The following SLC35A5 variants were observed in gnomAD, a reference collection of about 807,000 sequenced individuals.
The protein encoded by SLC35A5 is UDP-sugar transporter protein SLC35A5.
In SLC35A5, 28 loss-of-function variants were observed where a neutral mutation model predicts 36.3. That is an observed-to-expected ratio of 0.77 (90% confidence interval 0.57 to 1.06). The LOEUF is 1.06. SLC35A5 is among the 50% of genes least tolerant of loss of function. SLC35A5 has a pLI of 0.00. For missense variants in SLC35A5, 521 were observed against 499.3 expected, an observed-to-expected ratio of 1.04 and a Z score of -0.41; for synonymous variants, 180 against 173.7, an observed-to-expected ratio of 1.04 and a Z score of -0.29.
Position 112,580,618 on chromosome 3 carries a change from G to C in SLC35A5, c.501G>C (p.Gly167=). ...TGTCTATTGTGGCCTTGACTGCCGG[G>C]ACTAAAACTTTACAGCACAACTTGG... The part of the protein sequence containing the change: ...LFLSIVALTA[G]TKTLQHNLAG... The change falls in exon 6 of 7, where the codon GGG becomes GGC. Residue 167 remains glycine (G), a synonymous_variant. Transcript: ENST00000492406. 1 of 1,614,100 alleles carries C rather than the reference G, an allele frequency of 6.2e-7. No homozygotes were observed. Among genetic ancestry groups the C allele is most frequent in the Non-Finnish European group, 8.5e-7 (1 of 1,179,988 alleles).
At chr3:112,581,864 T>C (rs1934947372) in intron 6 of SLC35A5, among the ~76,000 whole-genome samples, 1 of 152,200 alleles carries the variant, frequency 6.6e-6, no homozygotes, top group Admixed American at 6.5e-5. Flanking sequence ...GTTTGTTTAT[T>C]TCACTAGAAA....
chr3:112,581,808 A>G (rs959968431), intron 6 of SLC35A5, among the ~76,000 whole-genome samples: 1 of 152,218 alleles, frequency 6.6e-6, no homozygotes, highest in Admixed American at 6.5e-5. Context: ...CTGGCTCCTC[A>G]GTCCTCCCTG....
chr3:112,563,372 TTTTCTC>T lies in SLC35A5; in HGVS notation c.-19-9_-19-4del, dbSNP rs757073892. ...CCAACAAGGTCGTTCATGAAAGTGT[TTTTCTC>T]TTTAAGGTAATTAAAAAACAGTGGA... On this transcript the variant is annotated splice_polypyrimidine_tract_variant and splice_region_variant and intron_variant, in intron 1 of 6. Coordinates refer to ENST00000492406, the MANE Select transcript of SLC35A5 (RefSeq NM_017945.5). 2.3e-5 allele frequency: 33 copies of T among 1,448,698 alleles called. No homozygotes were observed. The highest frequency in any genetic ancestry group is 2.4e-5 in the Non-Finnish European group (26 of 1,080,740). 89.7% of individuals were successfully genotyped at this position (1,448,698 alleles called of 1,614,324 possible).
At chr3:112,563,289 A>AT (rs757629625) in intron 1 of SLC35A5, 96 bp from the exon 2 acceptor site, 38 of 1,215,506 alleles carry the variant, frequency 3.1e-5, no homozygotes, top group Non-Finnish European at 3.9e-5. Context: ...CATAGCCAAA[A>AT]TTTTTTAAAA....
chr3:112,582,876 A>C lies in SLC35A5; in HGVS notation c.*140A>C. On this transcript the variant is annotated 3_prime_UTR_variant, in exon 7 of 7. Transcript: ENST00000492406. ...TTGCATATATCTAGCTACTCCCTAA[A>C]TGGTTCCATCCAAGGCTTAGAGTAC... is the stretch of plus-strand genomic sequence containing the variant. The C allele has an allele frequency of 1.5e-6, 1 of 686,468 alleles. No individual in the cohort carries two copies. The highest frequency in any genetic ancestry group is 2.4e-6 in the Non-Finnish European group (1 of 414,332). The allele number at this position is 686,468 out of a possible 1,614,324, so 42.5% of individuals were successfully genotyped here.
In SLC35A5 at chr3:112,569,199, T is replaced by C; in HGVS notation, c.159T>C (p.Thr53=). The C allele has an allele frequency of 6.2e-7, 1 of 1,613,770 alleles. No individual in the cohort carries two copies. The highest frequency in any genetic ancestry group is 8.5e-7 in the Non-Finnish European group (1 of 1,179,846). ...EENKYDYLPT[T]VNVCSELVKL... is the part of the protein sequence containing the mutation. Reference sequence around the variant, plus strand: ...ACAAGTATGATTATCTTCCAACTACTGTGAATGTGTGCTCAGAACTGGTGA... The same window carrying C: ...ACAAGTATGATTATCTTCCAACTACCGTGAATGTGTGCTCAGAACTGGTGA... The change falls in exon 3 of 7, where the codon ACT becomes ACC. Residue 53 remains threonine (T), a synonymous_variant. Coordinates refer to ENST00000492406, the MANE Select transcript of SLC35A5 (RefSeq NM_017945.5).
chr3:112,581,452 C>A, intron 6 of SLC35A5, 126 bp downstream of exon 6: 1 of 975,942 alleles, frequency 1.0e-6, no homozygotes, highest in Non-Finnish European at 1.5e-6. Flanking sequence ...CTTTTAAAAC[C>A]GAATCAACAA....
At chr3:112,574,030 A>G in intron 5 of SLC35A5, 74 bp downstream of exon 5, 1 of 1,290,278 alleles carries the variant, frequency 7.8e-7, no homozygotes, top group African/African-American at 1.5e-5. Flanking sequence ...TATACCCAGA[A>G]CACTGAGCCG....
In SLC35A5 at chr3:112,580,738, A is replaced by G. The variant is rs1442212978; in HGVS notation, c.621A>G (p.Ala207=). ...GTCCCAGAAAAGACAATTGTACAGCAAAGGAATGGACTTTTCCTGAAGCTA... is the reference window on the plus strand; with the variant it reads ...GTCCCAGAAAAGACAATTGTACAGCGAAGGAATGGACTTTTCCTGAAGCTA... ...SECPRKDNCT[A]KEWTFPEAKW... The change falls in exon 6 of 7, where the codon GCA becomes GCG. Residue 207 remains alanine, a synonymous_variant. Transcript: ENST00000492406. 6.2e-7 allele frequency: 1 copy of G among 1,614,198 alleles called. No individual in the cohort carries two copies.
chr3:112,569,094 A>T, intron 2 of SLC35A5, 77 bp from the exon 3 acceptor site: 1 of 1,167,024 alleles, frequency 8.6e-7, no homozygotes. Flanking sequence ...TTAAATTTTA[A>T]AACAATTATG....
chr3:112,582,054 G>C (rs774177700), intron 6 of SLC35A5, among the ~76,000 whole-genome samples: 7 of 152,232 alleles, frequency 4.6e-5, no homozygotes, highest in African/African-American at 1.4e-4. Context: ...TTAAATATAC[G>C]TTTAAATAAG....
At chr3:112,575,013 T>C (rs996440234) in intron 5 of SLC35A5, among the ~76,000 whole-genome samples, 7 of 152,174 alleles carry the variant, frequency 4.6e-5, no homozygotes, top group African/African-American at 1.7e-4. Context: ...AAAAAAGATA[T>C]TCCAAAAACA....
rs937696851 is a variant in SLC35A5 at position 112,562,135 on chromosome 3, G to A, written c.-158G>A. 2 of 156,432 alleles carry A rather than the reference G, an allele frequency of 1.3e-5. No individual in the cohort carries two copies. The highest frequency in any genetic ancestry group is 6.5e-5 in the Admixed American group (1 of 15,314). 9.7% of individuals were successfully genotyped at this position (156,432 alleles called of 1,614,324 possible). A position where few individuals can be genotyped will look rare whatever the true frequency, so the allele number is the denominator to read the frequency against. Reference sequence around the variant, plus strand: ...TTGTTCTGCAATAGGCGGCTTAGAGGGAGGGGCTTTTTCGCCTATACCTAC... The same window carrying A: ...TTGTTCTGCAATAGGCGGCTTAGAGAGAGGGGCTTTTTCGCCTATACCTAC... On this transcript the variant is annotated 5_prime_UTR_variant, in exon 1 of 7. Transcript: ENST00000492406.
At chr3:112,561,686 G>T, upstream of SLC35A5, 1 of 717,638 alleles carries the variant, frequency 1.4e-6, no homozygotes, top group Non-Finnish European at 2.2e-6. Context: ...GGACGGGCGG[G>T]ACGAGGGGGC....
intron 5 of SLC35A5, among the ~76,000 whole-genome samples, chr3:112,579,521 A>G (rs1934807801): frequency 6.6e-6 from 1 of 152,084 alleles, no homozygotes; most frequent in African/African-American, 2.4e-5. Context: ...CTCTTTGTCA[A>G]CATTGTACAT....
In SLC35A5 at chr3:112,577,512, G is replaced by C. The variant is rs143068310; in HGVS notation, c.429-3034G>C. ...TGTAGCTTGCTTCCCTGGTTTGCTTGTAACCTAAGCAAAGTTGCACAATTT... is the reference window on the plus strand; with the variant it reads ...TGTAGCTTGCTTCCCTGGTTTGCTTCTAACCTAAGCAAAGTTGCACAATTT... On this transcript the variant is annotated intron_variant, in intron 5 of 6. Transcript: ENST00000492406. Among the ~76,000 whole-genome samples, 328 of 152,314 alleles carry C rather than the reference G, an allele frequency of 2.2e-3. 1 individual carries two copies. The highest frequency in any genetic ancestry group is 7.3e-3 in the African/African-American group (305 of 41,560).
rs761699278 is a variant in SLC35A5 at position 112,573,953 on chromosome 3, T to C, written c.425T>C (p.Leu142Pro). The C allele has an allele frequency of 2.5e-6, 4 of 1,611,392 alleles. No individual in the cohort carries two copies. In the South Asian group the frequency reaches 4.4e-5, roughly 18 times the overall value. Reference protein sequence around the residue: ...ITTALLFRIVLKRRLNWIQWA... With the variant: ...ITTALLFRIVPKRRLNWIQWA... ...ACAGCTCTTCTATTCAGGATAGTGCTGAAGTAAGTAACTTGCTGTGAAAAC... is the reference window on the plus strand; with the variant it reads ...ACAGCTCTTCTATTCAGGATAGTGCCGAAGTAAGTAACTTGCTGTGAAAAC... The change falls in exon 5 of 7, where the codon CTG becomes CCG. Residue 142 changes from leucine (L) to proline (P), a missense_variant. Transcript: ENST00000492406.
At chr3:112,572,207 G>A (rs1360383246) in intron 4 of SLC35A5, among the ~76,000 whole-genome samples, 1 of 151,558 alleles carries the variant, frequency 6.6e-6, no homozygotes, top group Non-Finnish European at 1.5e-5. Flanking sequence ...CTCCCAAAGT[G>A]CTGGGATTAC....
At position 112,583,617 on chromosome 3, in the gene SLC35A5, G is replaced by A. The variant is rs1053022234; in HGVS notation, c.*881G>A. ...TCCAAGAGTTGAAATGCTGGCTTCAGAATCATACCAGATTGTCAGTGAAGC... is the reference window on the plus strand; with the variant it reads ...TCCAAGAGTTGAAATGCTGGCTTCAAAATCATACCAGATTGTCAGTGAAGC... On this transcript the variant is annotated 3_prime_UTR_variant, in exon 7 of 7. Coordinates refer to ENST00000492406, the MANE Select transcript of SLC35A5 (RefSeq NM_017945.5). 6.6e-6 allele frequency: 1 copy of A among 152,312 alleles called. No individual in the cohort carries two copies. Among genetic ancestry groups the A allele is most frequent in the African/African-American group, 2.4e-5 (1 of 41,432 alleles). 9.4% of individuals were successfully genotyped at this position (152,312 alleles called of 1,614,324 possible). A position where few individuals can be genotyped will look rare whatever the true frequency, so the allele number is the denominator to read the frequency against.
Sources: gnomAD v4.1 joint callset for allele counts (sites outside exome capture counted in the v4.1 genomes callset) on GRCh38, gnomAD v4.1.1 for gene constraint, MANE v1.5 for transcripts, NCBI Gene and HGNC (gene_info 2026-07-23, HGNC 2026-07-21) for gene names.